SGK1: variants seen among roughly 807,000 people sequenced by gnomAD.
SGK1 encodes the protein serum/glucocorticoid regulated kinase 1.
Under a neutral mutation model 64.2 loss-of-function variants are expected in SGK1, and 26 were observed. The observed-to-expected ratio is 0.40, with a 90% CI of 0.30 to 0.56. The LOEUF (loss-of-function observed/expected upper bound fraction) is 0.56. Among genes scored for constraint, SGK1 ranks in the 20% least tolerant of loss-of-function variants. SGK1 has a pLI of 0.38. For missense variants in SGK1, 519 were observed against 645.6 expected, an observed-to-expected ratio of 0.80 and a Z score of 2.12; for synonymous variants, 265 against 239.7, an observed-to-expected ratio of 1.11 and a Z score of -0.98.
intron 2 of SGK1, among the ~76,000 whole-genome samples, chr6:134,241,932 A>AT (rs1776454590): frequency 6.6e-6 from 1 of 151,842 alleles, no homozygotes; most frequent in Non-Finnish European, 1.5e-5. Flanking sequence ...GTTTTATTAT[A>AT]TGAAGTTACA....
chr6:134,190,366 A>G (rs1027569209), intron 3 of SGK1, among the ~76,000 whole-genome samples: 6 of 150,104 alleles, frequency 4.0e-5, no homozygotes, highest in African/African-American at 1.5e-4. Flanking sequence ...GCTCACTGCA[A>G]ACTCCGCCTC....
intron 2 of SGK1, among the ~76,000 whole-genome samples, chr6:134,254,006 T>C (rs1776643809): frequency 1.3e-5 from 2 of 151,798 alleles, no homozygotes; most frequent in African/African-American, 4.8e-5. Context: ...GCAAACTTAA[T>C]GAGAATCAGT....
intron 1 of SGK1, among the ~76,000 whole-genome samples, chr6:134,265,558 T>TATATACATATATATTTATAC (rs1776838448): frequency 1.4e-5 from 2 of 147,064 alleles, no homozygotes; most frequent in Non-Finnish European, 3.0e-5. Flanking sequence ...ATATTTTATA[T>TATATACATATATATTTATAC]ATATACATAT....
chr6:134,308,192 A>G (rs1777562242), intron 1 of SGK1, among the ~76,000 whole-genome samples: 1 of 152,194 alleles, frequency 6.6e-6, no homozygotes, highest in Non-Finnish European at 1.5e-5. Flanking sequence ...AAAGATTCAG[A>G]GTTCAAAGAA....
intron 3 of SGK1, among the ~76,000 whole-genome samples, chr6:134,193,461 G>A (rs1261426859): frequency 6.6e-6 from 1 of 151,954 alleles, no homozygotes. Context: ...GTCTTGCCCA[G>A]GTGATCTCAT....
chr6:134,201,550 C>T (rs1310642708), intron 3 of SGK1, among the ~76,000 whole-genome samples: 6 of 151,752 alleles, frequency 4.0e-5, no homozygotes, highest in South Asian at 2.1e-4. Flanking sequence ...TTAGTAGAGA[C>T]GGGGTTTCAC....
At chr6:134,203,426 T>C (rs1469359108) in intron 3 of SGK1, among the ~76,000 whole-genome samples, 2 of 152,012 alleles carry the variant, frequency 1.3e-5, no homozygotes, top group African/African-American at 4.8e-5. Context: ...AAGGGACATA[T>C]AGAAAACAAA....
At chr6:134,174,876 C>A (rs1473468398) in intron 3 of SGK1, 27 of 1,604,476 alleles carry the variant, frequency 1.7e-5, no homozygotes, top group Non-Finnish European at 2.2e-5. Flanking sequence ...CGCCAGGCCG[C>A]GCGCTCGGCC....
At chr6:134,252,597 A>G (rs970397313) in intron 2 of SGK1, among the ~76,000 whole-genome samples, 3 of 138,122 alleles carry the variant, frequency 2.2e-5, no homozygotes, top group Non-Finnish European at 4.6e-5. Context: ...AGCCTGGGCA[A>G]CAGAGTGAGA....
intron 2 of SGK1, among the ~76,000 whole-genome samples, chr6:134,208,787 T>C (rs1461237770): frequency 1.3e-5 from 2 of 150,896 alleles, no homozygotes; most frequent in Non-Finnish European, 3.0e-5. Context: ...TATATAGATA[T>C]ACACACACAC....
intron 2 of SGK1, among the ~76,000 whole-genome samples, chr6:134,237,735 T>G (rs1042673135): frequency 6.6e-6 from 1 of 152,194 alleles, no homozygotes; most frequent in African/African-American, 2.4e-5. Flanking sequence ...TACATACAGT[T>G]TTTTAGGAAA....
At chr6:134,171,245 G>C in intron 11 of SGK1, 67 bp from the exon 12 acceptor site, 2 of 1,424,552 alleles carry the variant, frequency 1.4e-6, no homozygotes, top group Non-Finnish European at 2.0e-6. Flanking sequence ...TACCAGTAGA[G>C]AAAAAGATAT....
chr6:134,171,710 T>C lies in SGK1; in HGVS notation c.1094A>G (p.His365Arg). 1.2e-6 allele frequency: 2 copies of C among 1,613,686 alleles called. No homozygotes were observed. The highest frequency in any genetic ancestry group is 8.5e-7 in the Non-Finnish European group (1 of 1,179,600). Residue 365 changes from histidine to arginine, a missense_variant, in exon 11 of 14, where the codon CAT becomes CGT. Physicochemically the swap from His to Arg is conservative, Grantham distance 29. This residue lies in a region of SGK1 where 278 missense variants were observed against 408.7 expected (regional missense o/e 0.68). Transcript: ENST00000367858. Reference protein sequence around the residue: ...TPEYLAPEVLHKQPYDRTVDW... With the variant: ...TPEYLAPEVLRKQPYDRTVDW... ...CACAGTCCTGTCATAAGGCTGCTTA[T>C]GAAGCACCTCAGGTGCGAGATACTG...
chr6:134,185,555 A>AGTGT (rs55653141), intron 3 of SGK1, among the ~76,000 whole-genome samples: 14,072 of 145,330 alleles, frequency 0.097, 956 homozygotes, highest in African/African-American at 0.19. Context: ...TATCTCTATG[A>AGTGT]GTGTGTGTGT....
At chr6:134,292,320 C>T (rs1028542425) in intron 1 of SGK1, among the ~76,000 whole-genome samples, 11 of 152,204 alleles carry the variant, frequency 7.2e-5, no homozygotes, top group East Asian at 3.9e-4. Flanking sequence ...GGGCCGGGCG[C>T]GGTGGCTCAT....
At position 134,278,410 on chromosome 6, in the gene SGK1, T is replaced by C. The variant is rs1440431603; in HGVS notation, c.70-16262A>G. ...GAGCGCTGTACATTGCTTAATTAAATTGAAAGTGGTAAATGAAAGGTAAGA... is the reference window on the plus strand; with the variant it reads ...GAGCGCTGTACATTGCTTAATTAAACTGAAAGTGGTAAATGAAAGGTAAGA... On this transcript the variant is annotated intron_variant, in intron 1 of 13. Transcript: ENST00000367858. Among the ~76,000 whole-genome samples the C allele has an allele frequency of 5.3e-5, 8 of 152,238 alleles. No homozygotes were observed. The South Asian group carries it at 8.3e-4, about 16-fold the overall frequency.
Position 134,261,977 on chromosome 6 carries a change from G to C in SGK1, c.241C>G (p.Gln81Glu), listed in dbSNP as rs1776772553. 6.8e-6 allele frequency: 11 copies of C among 1,613,580 alleles called. 1 individual carries two copies. In the African/African-American group the frequency reaches 1.1e-4, roughly 16 times the overall value. Residue 81 changes from glutamine to glutamate, a missense_variant, in exon 2 of 14, where the codon CAG becomes GAG. Gln to Glu is a conservative substitution (Grantham distance 29, BLOSUM62 2). Coordinates refer to ENST00000367858, the MANE Select transcript of SGK1 (RefSeq NM_001143676.3). ...EHAFQRGVLP[Q>E]ENESCSWETQ... The stretch of plus-strand genomic sequence containing the variant: ...TCCCATGAACATGACTCGTTCTCCT[G>C]AGGGAGAACCCCTCTTTGGAAAGCA...
chr6:134,269,704 A>G (rs1193570461), intron 1 of SGK1, among the ~76,000 whole-genome samples: 1 of 147,124 alleles, frequency 6.8e-6, no homozygotes, highest in Admixed American at 7.0e-5. Flanking sequence ...CTGCATGCCT[A>G]TGCCTCTCCC....
chr6:134,317,384 G>A lies in SGK1; in HGVS notation c.69+8C>T. 1 of 1,563,656 alleles carries A rather than the reference G, an allele frequency of 6.4e-7. No homozygotes were observed. The highest frequency in any genetic ancestry group is 1.1e-5 in the South Asian group (1 of 90,092). On this transcript the variant is annotated splice_region_variant and intron_variant, in intron 1 of 13. Coordinates refer to ENST00000367858, the MANE Select transcript of SGK1 (RefSeq NM_001143676.3). ...AAAACAAAAGAAATAAGCAAAACCT[G>A]TCCTTACCCGCTTCTTAAAAAATTG...
Sources: allele counts gnomAD v4.1 joint callset (sites outside exome capture counted in the v4.1 genomes callset), GRCh38; gene constraint gnomAD v4.1.1; regional missense constraint gnomAD v4.1.1; transcripts MANE v1.5; gene names NCBI Gene and HGNC (gene_info 2026-07-23, HGNC 2026-07-21).